The following PSD3 variants were observed in gnomAD, a reference collection of about 807,000 sequenced individuals.
PSD3 encodes pleckstrin and Sec7 domain containing 3.
In PSD3, 49 loss-of-function variants were observed where a neutral mutation model predicts 105.5. The ratio of observed to expected loss-of-function variants is 0.46; its 90% CI spans 0.37 to 0.59. PSD3 has a LOEUF of 0.59. PSD3 is among the 20% of genes least tolerant of loss of function. The pLI is 0.00. For synonymous variants in PSD3, 557 were observed against 457.8 expected (o/e 1.22, Z -2.77); for missense variants, 1,561 against 1,263.8 (o/e 1.24, Z -3.57).
At chr8:18,939,333 G>C (rs1308230204) in intron 1 of PSD3, among the ~76,000 whole-genome samples, 1 of 152,128 alleles carries the variant, frequency 6.6e-6, no homozygotes, top group Non-Finnish European at 1.5e-5. Flanking sequence ...AAATACAAAT[G>C]TAAGCAACAA....
intron 1 of PSD3, among the ~76,000 whole-genome samples, chr8:19,079,692 G>T (rs1000720008): frequency 3.9e-5 from 6 of 152,036 alleles, no homozygotes; most frequent in African/African-American, 1.4e-4. Flanking sequence ...TTGCAATACC[G>T]GTCCAAAATT....
chr8:18,672,939 C>T (rs1203604110), intron 9 of PSD3, among the ~76,000 whole-genome samples: 1 of 151,814 alleles, frequency 6.6e-6, no homozygotes, highest in African/African-American at 2.4e-5. Flanking sequence ...CTCGTATGTA[C>T]CTATATATGC....
intron 2 of PSD3, among the ~76,000 whole-genome samples, chr8:18,886,766 C>A (rs1311532407): frequency 6.6e-6 from 1 of 152,124 alleles, no homozygotes; most frequent in African/African-American, 2.4e-5. Context: ...TTCCTGGCAG[C>A]CCCTTTTGCC....
At chr8:18,782,249 T>C (rs556862567) in intron 8 of PSD3, among the ~76,000 whole-genome samples, 6 of 151,952 alleles carry the variant, frequency 3.9e-5, no homozygotes, top group South Asian at 2.1e-4. Context: ...CTCATGTTTC[T>C]TGTGTCCTTA....
chr8:18,539,983 T>C (rs1226353966), intron 15 of PSD3, among the ~76,000 whole-genome samples: 1 of 152,140 alleles, frequency 6.6e-6, no homozygotes, highest in East Asian at 1.9e-4. Flanking sequence ...CTGAACAGCC[T>C]CTTCTTTCGT....
At chr8:19,034,062 C>T (rs1827864987) in intron 1 of PSD3, among the ~76,000 whole-genome samples, 2 of 152,130 alleles carry the variant, frequency 1.3e-5, no homozygotes, top group South Asian at 4.1e-4. Context: ...GGGCCACAGA[C>T]TTAGGAAAGC....
intron 12 of PSD3, among the ~76,000 whole-genome samples, chr8:18,578,973 C>G (rs1380965135): frequency 6.6e-6 from 1 of 152,038 alleles, no homozygotes; most frequent in Non-Finnish European, 1.5e-5. Flanking sequence ...AATTTTAAGT[C>G]TAGGAAGCTT....
chr8:19,034,827 C>A (rs950447900), intron 1 of PSD3, among the ~76,000 whole-genome samples: 1 of 152,188 alleles, frequency 6.6e-6, no homozygotes, highest in African/African-American at 2.4e-5. Context: ...AACTCCCGTT[C>A]TTCCACTTCA....
chr8:18,589,531 G>A (rs541246843), intron 12 of PSD3, among the ~76,000 whole-genome samples: 2 of 152,266 alleles, frequency 1.3e-5, no homozygotes, highest in Admixed American at 6.5e-5. Context: ...GTTAGATATG[G>A]TCCTTCCTAA....
intron 2 of PSD3, among the ~76,000 whole-genome samples, chr8:18,876,279 C>A (rs1459251025): frequency 2.0e-5 from 3 of 152,144 alleles, no homozygotes; most frequent in Non-Finnish European, 4.4e-5. Flanking sequence ...CGGGAGCAGT[C>A]TTTTCTTTGG....
rs1202713826 is a variant in PSD3, at chr8:18,528,001, G to A, written c.*7742C>T. ...AATGTTCCACAATGCCAATTAGTTT[G>A]AGCCACAGTGAATATAACTCAGTTA... On this transcript the variant is annotated 3_prime_UTR_variant, in exon 16 of 16. Transcript: ENST00000327040. 2.6e-5 allele frequency: 4 copies of A among 152,208 alleles called. No homozygotes were observed. Among genetic ancestry groups the A allele is most frequent in the Non-Finnish European group, 5.9e-5 (4 of 68,028 alleles). The allele number at this position is 152,208 out of a possible 1,614,324, so 9.4% of individuals were successfully genotyped here.
chr8:18,859,127 C>T (rs1816241828), intron 4 of PSD3, among the ~76,000 whole-genome samples: 1 of 152,000 alleles, frequency 6.6e-6, no homozygotes, highest in African/African-American at 2.4e-5. Context: ...TGTTGGCGGG[C>T]ATTAGAACTA....
At chr8:18,717,894 T>TAGA (rs5889820) in intron 9 of PSD3, among the ~76,000 whole-genome samples, 7,570 of 152,206 alleles carry the variant, frequency 0.05, 310 homozygotes, top group East Asian at 0.15. Flanking sequence ...ACTTGGTAAA[T>TAGA]AGAACACAAA....
At chr8:18,637,229 C>A (rs547822037) in intron 10 of PSD3, among the ~76,000 whole-genome samples, 81 of 152,120 alleles carry the variant, frequency 5.3e-4, no homozygotes, top group Non-Finnish European at 6.3e-4. Context: ...TGGGTGAGCT[C>A]TTTTTTTCTC....
chr8:18,661,449 G>C (rs1415504935), intron 9 of PSD3, among the ~76,000 whole-genome samples: 1 of 152,146 alleles, frequency 6.6e-6, no homozygotes, highest in Non-Finnish European at 1.5e-5. Flanking sequence ...AAAAATTAAT[G>C]ATAAAACCAG....
At chr8:18,945,413 G>C (rs1822799096) in intron 1 of PSD3, among the ~76,000 whole-genome samples, 1 of 152,222 alleles carries the variant, frequency 6.6e-6, no homozygotes, top group Non-Finnish European at 1.5e-5. Flanking sequence ...GGAAGGGGCT[G>C]TGAGCCAAGG....
chr8:18,559,960 G>C (rs1801297060), intron 14 of PSD3, among the ~76,000 whole-genome samples: 1 of 152,166 alleles, frequency 6.6e-6, no homozygotes, highest in South Asian at 2.1e-4. Flanking sequence ...AGGAAGTGCT[G>C]ATGTTCAATG....
At chr8:18,862,534 A>G (rs947462031) in intron 4 of PSD3, among the ~76,000 whole-genome samples, 2 of 152,182 alleles carry the variant, frequency 1.3e-5, no homozygotes, top group African/African-American at 4.8e-5. Flanking sequence ...TGAAGCCACA[A>G]GGCAGCAGAC....
intron 1 of PSD3, among the ~76,000 whole-genome samples, chr8:19,075,605 T>C (rs1829441077): frequency 6.6e-6 from 1 of 152,240 alleles, no homozygotes; most frequent in Non-Finnish European, 1.5e-5. Flanking sequence ...AGTGCATCTC[T>C]ACTGAGGCTC....
Sources: allele counts gnomAD v4.1 joint callset (sites outside exome capture counted in the v4.1 genomes callset), GRCh38; gene constraint gnomAD v4.1.1; transcripts MANE v1.5; gene names NCBI Gene and HGNC (gene_info 2026-07-23, HGNC 2026-07-21).